MALAT1: variants seen among roughly 807,000 people sequenced by gnomAD.
MALAT1 encodes metastasis associated lung adenocarcinoma transcript 1, also known as hepcarcin.
exon 3 of MALAT1, chr11:65,501,224 A>ATTTTTTTTTCTTTT: frequency 4.4e-6 from 1 of 229,414 alleles, no homozygotes; most frequent in Non-Finnish European, 8.5e-6. Context: ...AGTTTTCAGT[A>ATTTTTTTTTCTTTT]TTTTTTTTTG....
chr11:65,499,584 TA>T (rs1854492290), exon 3 of MALAT1: 1 of 453,432 alleles, frequency 2.2e-6, no homozygotes. Flanking sequence ...ACGCATTTAC[TA>T]AACGCAGACG....
At chr11:65,500,047 G>C in exon 3 of MALAT1, 1 of 435,082 alleles carries the variant, frequency 2.3e-6, no homozygotes, top group Non-Finnish European at 4.5e-6. Flanking sequence ...AATTTCTGGT[G>C]GTGCAGAAGT....
chr11:65,504,471 A>G, intron 3 of MALAT1: 1 of 518,952 alleles, frequency 1.9e-6, no homozygotes. Context: ...CAATGCTTGG[A>G]GTAGTGATTG....
In MALAT1 at chr11:65,500,862, GGT is replaced by G. The variant is rs773501267; in HGVS notation, n.2128_2129del. 4 of 518,508 alleles carry G rather than the reference GGT, an allele frequency of 7.7e-6. No homozygotes were observed. In the Admixed American group the frequency reaches 7.8e-5, roughly 10 times the overall value. 32.1% of individuals were successfully genotyped at this position (518,508 alleles called of 1,614,324 possible). A position where few individuals can be genotyped will look rare whatever the true frequency, so the allele number is the denominator to read the frequency against. On this transcript the variant is annotated non_coding_transcript_exon_variant, in exon 3 of 4. Coordinates refer to ENST00000619449, the Ensembl canonical transcript of MALAT1. ...ATATAATGGGGGAGTTTCGTACTGAGGTGTAAAGGGATTTATATGGGGACGTA... is the reference window on the plus strand; with the variant it reads ...ATATAATGGGGGAGTTTCGTACTGAGGTAAAGGGATTTATATGGGGACGTA...
intron 3 of MALAT1, chr11:65,506,097 T>TAAA: frequency 8.5e-6 from 3 of 353,534 alleles, no homozygotes; most frequent in South Asian, 2.2e-5. Flanking sequence ...TTTTCTAGCT[T>TAAA]AAAAAAAAAA....
At chr11:65,497,924 G>A (rs1332448054) in intron 1 of MALAT1, 2 of 518,704 alleles carry the variant, frequency 3.9e-6, no homozygotes, top group Non-Finnish European at 7.7e-6. Context: ...GGGACGCAGC[G>A]ACGAGTTGTG....
At chr11:65,500,646 T>C (rs767254866) in exon 3 of MALAT1, 2 of 518,882 alleles carry the variant, frequency 3.9e-6, no homozygotes, top group Non-Finnish European at 7.7e-6. Context: ...AATTTGGTGA[T>C]GAAGGTAGCA....
At chr11:65,504,386 G>A (rs776720755) in intron 3 of MALAT1, 1 of 518,480 alleles carries the variant, frequency 1.9e-6, no homozygotes, top group Non-Finnish European at 3.9e-6. Flanking sequence ...GCAAGTAAAT[G>A]CAGTACTGTT....
At chr11:65,497,977 T>C (rs1481888193) in intron 1 of MALAT1, 5 of 518,778 alleles carry the variant, frequency 9.6e-6, no homozygotes, top group African/African-American at 1.9e-5. Context: ...TTCCAGGTGG[T>C]GGTATTTAGA....
At chr11:65,499,034 A>C in exon 3 of MALAT1, 1 of 518,612 alleles carries the variant, frequency 1.9e-6, no homozygotes, top group South Asian at 1.4e-5. Context: ...GCCTCGCCCG[A>C]GCTGTGCGGT....
exon 3 of MALAT1, chr11:65,502,969 T>C: frequency 2.0e-6 from 1 of 495,212 alleles, no homozygotes; most frequent in Non-Finnish European, 4.0e-6. Flanking sequence ...AAATACTGCT[T>C]TTACAAAAGC....
At chr11:65,503,399 A>G (rs1854600019) in exon 3 of MALAT1, 1 of 516,740 alleles carries the variant, frequency 1.9e-6, no homozygotes, top group Non-Finnish European at 3.9e-6. Context: ...CACTTCACTC[A>G]GAGGCATTTG....
chr11:65,497,807 C>T (rs553200684), exon 1 of MALAT1: 6 of 508,540 alleles, frequency 1.2e-5, no homozygotes, highest in Admixed American at 4.0e-5. Context: ...CCCTCTTAAG[C>T]GCAGCGCCAT....
intron 3 of MALAT1, chr11:65,504,450 G>C (rs1590706263): frequency 1.9e-6 from 1 of 518,944 alleles, no homozygotes; most frequent in Non-Finnish European, 3.8e-6. Context: ...ATGATTAAAA[G>C]TTGTGTTCCC....
At chr11:65,500,371 G>A (rs763362045) in exon 3 of MALAT1, 68 of 518,870 alleles carry the variant, frequency 1.3e-4, no homozygotes, top group South Asian at 3.5e-4. Context: ...AAATCCTGAG[G>A]ACTAGCATTA....
exon 3 of MALAT1, chr11:65,503,458 T>A (rs1854601297): frequency 1.9e-6 from 1 of 517,312 alleles, no homozygotes; most frequent in Non-Finnish European, 3.9e-6. Flanking sequence ...AGTGCCTTGA[T>A]GCCAACTAAG....
At chr11:65,504,330 C>A (rs1854625978) in intron 3 of MALAT1, 1 of 510,688 alleles carries the variant, frequency 2.0e-6, no homozygotes, top group Non-Finnish European at 3.9e-6. Context: ...TTACAGACTT[C>A]ACAGAGAATG....
intron 1 of MALAT1, chr11:65,498,399 G>T: frequency 1.9e-6 from 1 of 518,546 alleles, no homozygotes; most frequent in Non-Finnish European, 3.8e-6. Context: ...CGGCCCCCGG[G>T]GCTCAGGCGG....
chr11:65,500,195 A>G (rs747268090), exon 3 of MALAT1: 1 of 510,082 alleles, frequency 2.0e-6, no homozygotes, highest in Admixed American at 2.0e-5. Flanking sequence ...TTTAAAAAAA[A>G]CTAAGGCAGA....
Sources: gnomAD v4.1 joint callset for allele counts on GRCh38, gnomAD v4.1.1 for gene constraint, MANE v1.5 for transcripts, NCBI Gene and HGNC (gene_info 2026-07-23, HGNC 2026-07-21) for gene names.